AFF4: variants seen among roughly 807,000 people sequenced by gnomAD.
AFF4 encodes ALF transcription elongation factor 4.
AFF4 carries 13 observed loss-of-function variants against 124.8 expected under a neutral mutation model. The ratio of observed to expected loss-of-function variants is 0.10; its 90% CI spans 0.07 to 0.17. The LOEUF is 0.17. Among genes scored for constraint, AFF4 ranks in the 10% least tolerant of loss-of-function variants. AFF4 has a pLI of 1.00. For missense variants in AFF4, 1,092 were observed against 1,403.8 expected (o/e 0.78, Z 3.55); for synonymous variants, 477 against 496.1 (o/e 0.96, Z 0.51).
At chr5:132,940,892 T>A (rs1761552894) in intron 1 of AFF4, among the ~76,000 whole-genome samples, 1 of 151,872 alleles carries the variant, frequency 6.6e-6, no homozygotes, top group Admixed American at 6.6e-5. Context: ...CCAGGCATGG[T>A]GGCAGGTGCC....
At chr5:132,881,586 G>GT (rs1173489976) in intron 20 of AFF4, among the ~76,000 whole-genome samples, 15 of 152,324 alleles carry the variant, frequency 9.8e-5, no homozygotes, top group African/African-American at 3.6e-4. Flanking sequence ...TTCTTTGCCT[G>GT]TTTCCTGTAA....
rs563506944 is a variant in AFF4, at chr5:132,904,054, G to A, written c.1087+314C>T. 70 of 203,612 alleles carry A rather than the reference G, an allele frequency of 3.4e-4. 1 individual carries two copies. Among genetic ancestry groups the A allele is most frequent in the Non-Finnish European group, 6.3e-4 (61 of 97,432 alleles). 12.6% of individuals were successfully genotyped at this position (203,612 alleles called of 1,614,324 possible). ...GTGGATCACTTGAGCTCAGGAGTTC[G>A]AGACCAGCCTGTGCAACATAGTGAG... On this transcript the variant is annotated intron_variant, in intron 6 of 20. Transcript: ENST00000265343.
intron 5 of AFF4, among the ~76,000 whole-genome samples, chr5:132,921,804 A>T (rs1761054569): frequency 6.6e-6 from 1 of 151,688 alleles, no homozygotes; most frequent in African/African-American, 2.4e-5. Context: ...CCCCCCAGAG[A>T]GAGTCAGTCT....
chr5:132,938,757 C>A (rs913139871), intron 1 of AFF4, among the ~76,000 whole-genome samples: 1 of 151,152 alleles, frequency 6.6e-6, no homozygotes, highest in Non-Finnish European at 1.5e-5. Flanking sequence ...TCCTGGCTAA[C>A]ACGGTGAAAC....
intron 10 of AFF4, 31 bp downstream of exon 10, chr5:132,898,199 T>C: frequency 6.2e-7 from 1 of 1,612,488 alleles, no homozygotes; most frequent in Non-Finnish European, 8.5e-7. Flanking sequence ...TGAGAGGGCC[T>C]GTGGAAGGTA....
chr5:132,908,559 T>C (rs1261232512), intron 5 of AFF4, among the ~76,000 whole-genome samples: 1 of 151,904 alleles, frequency 6.6e-6, no homozygotes, highest in Non-Finnish European at 1.5e-5. Flanking sequence ...TTTTATTATT[T>C]TTAGCAAATA....
intron 4 of AFF4, 125 bp from the exon 5 acceptor site, chr5:132,927,332 G>A: frequency 1.3e-6 from 1 of 754,046 alleles, no homozygotes; most frequent in South Asian, 1.7e-5. Flanking sequence ...TACATACTTA[G>A]TCAATAAATA....
intron 5 of AFF4, among the ~76,000 whole-genome samples, chr5:132,923,803 T>C (rs1047218181): frequency 6.6e-6 from 1 of 152,206 alleles, no homozygotes; most frequent in African/African-American, 2.4e-5. Context: ...AATTCTACTT[T>C]TTACTATGTG....
chr5:132,876,561 T>A lies in AFF4; in HGVS notation c.*4498A>T, dbSNP rs1759844254. On this transcript the variant is annotated 3_prime_UTR_variant, in exon 21 of 21. Coordinates refer to ENST00000265343, the MANE Select transcript of AFF4 (RefSeq NM_014423.4). ...AGGTCAATGCTGACATTCCTGAAAG[T>A]CAACTTCTTTACATGATGACTACTT... is the stretch of plus-strand genomic sequence containing the variant. 4.7e-6 allele frequency: 1 copy of A among 211,084 alleles called. No homozygotes were observed. Among genetic ancestry groups the A allele is most frequent in the Non-Finnish European group, 9.6e-6 (1 of 103,780 alleles). 13.1% of individuals were successfully genotyped at this position (211,084 alleles called of 1,614,324 possible).
chr5:132,933,648 C>A (rs1490651053), intron 3 of AFF4, among the ~76,000 whole-genome samples: 5 of 152,198 alleles, frequency 3.3e-5, no homozygotes, highest in Non-Finnish European at 7.3e-5. Context: ...CCTGGAGCAG[C>A]TGTCTTAATC....
chr5:132,948,359 A>G (rs1025272020), intron 1 of AFF4: 3 of 152,236 alleles, frequency 2.0e-5, no homozygotes, highest in Non-Finnish European at 2.9e-5. Flanking sequence ...CCCATTCCTC[A>G]CAAGTATTTC....
intron 20 of AFF4, 63 bp from the exon 21 acceptor site, chr5:132,881,249 T>C: frequency 6.5e-7 from 1 of 1,545,794 alleles, no homozygotes; most frequent in Non-Finnish European, 8.8e-7. Context: ...TTTAAAACTA[T>C]GAGTAGAGAT....
intron 3 of AFF4, among the ~76,000 whole-genome samples, chr5:132,932,644 A>G (rs1042306309): frequency 1.3e-5 from 2 of 152,250 alleles, no homozygotes; most frequent in Non-Finnish European, 1.5e-5. Flanking sequence ...ATCGTACCTT[A>G]GCGATGACCT....
chr5:132,897,539 GTC>G (rs1422862512), intron 10 of AFF4, among the ~76,000 whole-genome samples: 1 of 151,960 alleles, frequency 6.6e-6, no homozygotes, highest in Non-Finnish European at 1.5e-5. Flanking sequence ...GTGAAATCCT[GTC>G]TCTATTAAAA....
intron 1 of AFF4, among the ~76,000 whole-genome samples, chr5:132,955,841 ATACATG>A (rs1282164428): frequency 6.8e-6 from 1 of 146,848 alleles, no homozygotes; most frequent in Non-Finnish European, 1.5e-5. Context: ...ATATATACAT[ATACATG>A]TATTACATAG....
At chr5:132,942,933 C>T (rs1761607284) in intron 1 of AFF4, 2 of 214,444 alleles carry the variant, frequency 9.3e-6, no homozygotes, top group Admixed American at 8.3e-5. Context: ...CTCTACAAGG[C>T]TACTGTGATG....
In AFF4 at chr5:132,933,022, C is replaced by T. The variant is rs1581316777; in HGVS notation, c.919-800G>A. ...TACATTACGCAGATTCTTCCTTCCA[C>T]CATTTTGAGCTAAGAGTTGTAATTT... On this transcript the variant is annotated intron_variant, in intron 3 of 20. Transcript: ENST00000265343. Among the ~76,000 whole-genome samples, 4 of 152,332 alleles carry T rather than the reference C, an allele frequency of 2.6e-5. No homozygotes were observed. The South Asian group carries it at 8.3e-4, about 32-fold the overall frequency.
At chr5:132,926,056 G>A (rs1269818634) in intron 5 of AFF4, among the ~76,000 whole-genome samples, 2 of 152,072 alleles carry the variant, frequency 1.3e-5, no homozygotes, top group Non-Finnish European at 2.9e-5. Context: ...AAAAAGAAAC[G>A]AAATACCTCT....
intron 9 of AFF4, 125 bp downstream of exon 9, chr5:132,898,979 T>C (rs1236267016): frequency 2.4e-6 from 2 of 845,910 alleles, no homozygotes; most frequent in East Asian, 5.2e-5. Flanking sequence ...AATGACTTAA[T>C]TTACAGAATT....
Sources: allele counts gnomAD v4.1 joint callset (sites outside exome capture counted in the v4.1 genomes callset), GRCh38; gene constraint gnomAD v4.1.1; transcripts MANE v1.5; gene names NCBI Gene and HGNC (gene_info 2026-07-23, HGNC 2026-07-21).